Variants in UNC45B observed in about 807,000 individuals in gnomAD.
UNC45B encodes unc-45 myosin chaperone B.
Under a neutral mutation model 98.7 loss-of-function variants are expected in UNC45B, and 78 were observed. The ratio of observed to expected loss-of-function variants is 0.79; its 90% CI spans 0.66 to 0.95. The LOEUF (loss-of-function observed/expected upper bound fraction) is 0.95, where lower values mean the gene tolerates loss of function less well. UNC45B is among the 40% of genes least tolerant of loss of function. The probability of loss-of-function intolerance (pLI) is 0.00; values close to 1 mark genes in which losing one functional copy is unlikely to be tolerated. For synonymous variants in UNC45B, 462 were observed against 480.4 expected (o/e 0.96, Z 0.50); for missense variants, 1,225 against 1,184.9 (o/e 1.03, Z -0.50).
intron 9 of UNC45B, among the ~76,000 whole-genome samples, chr17:35,166,318 A>G (rs2092140971): frequency 1.3e-5 from 2 of 151,446 alleles, no homozygotes; most frequent in African/African-American, 2.4e-5. Context: ...GGATTTGCCA[A>G]CTCCTTCTCT....
In UNC45B at chr17:35,169,893, G is replaced by C. The variant is rs199940176; in HGVS notation, c.1509G>C (p.Ala503=). ...GGTDYGLRQF[A]EGSTEKLAKQ... is the part of the protein sequence containing the mutation. ...CAGACTACGGTCTCAGGCAGTTTGC[G>C]GAAGGGTCGACAGAAAAACTGGCCA... The change falls in exon 11 of 20, where the codon GCG becomes GCC. Residue 503 remains alanine (A), a synonymous_variant. Transcript: ENST00000394570. 1.2e-6 allele frequency: 2 copies of C among 1,614,042 alleles called. No homozygotes were observed. The highest frequency in any genetic ancestry group is 1.7e-6 in the Non-Finnish European group (2 of 1,180,046).
chr17:35,152,759 G>A (rs549776753), intron 4 of UNC45B, 134 bp from the exon 5 acceptor site: 40 of 745,034 alleles, frequency 5.4e-5, no homozygotes, highest in African/African-American at 2.7e-4. Context: ...AATGTTTGTC[G>A]AATGAATACA....
rs1449357079 is a variant in UNC45B, at chr17:35,161,449, C to CT, written c.979+1905dup. Reference sequence around the variant, plus strand: ...GTTTGAACAGAAGAGAAATGAGATGCTCAAGGCATGGGCAAGAATGGAAGG... The same window carrying CT: ...GTTTGAACAGAAGAGAAATGAGATGCTTCAAGGCATGGGCAAGAATGGAAGG... On this transcript the variant is annotated intron_variant, in intron 8 of 19. Transcript: ENST00000394570. Among the ~76,000 whole-genome samples, 3 of 152,038 alleles carry CT rather than the reference C, an allele frequency of 2.0e-5. No individual in the cohort carries two copies. In the East Asian group the frequency reaches 5.8e-4, roughly 29 times the overall value.
chr17:35,149,374 TTTG>T (rs960354688), intron 3 of UNC45B, among the ~76,000 whole-genome samples: 1 of 152,084 alleles, frequency 6.6e-6, no homozygotes, highest in Non-Finnish European at 1.5e-5. Context: ...CTGGCTGTCT[TTTG>T]TTGTTGTTGT....
rs2142618768 is a variant in UNC45B, at chr17:35,186,596, C to T, written c.*37C>T. ...CAGGGATGCTGGGAGTGGTCCTGTA[C>T]TGTGCAGAGTCCTGGGTTGGTTGGG... is the stretch of plus-strand genomic sequence containing the variant. On this transcript the variant is annotated 3_prime_UTR_variant, in exon 20 of 20. Transcript: ENST00000394570. The T allele has an allele frequency of 6.2e-7, 1 of 1,608,570 alleles. No individual in the cohort carries two copies. Among genetic ancestry groups the T allele is most frequent in the South Asian group, 1.1e-5 (1 of 89,736 alleles).
At chr17:35,186,143 TC>T (rs1300375071) in intron 19 of UNC45B, among the ~76,000 whole-genome samples, 155 bp from the exon 20 acceptor site, 1 of 152,154 alleles carries the variant, frequency 6.6e-6, no homozygotes, top group Non-Finnish European at 1.5e-5. Context: ...ATTAACACAT[TC>T]CTGTGACAGC....
chr17:35,182,464 C>A (rs2092280035), intron 18 of UNC45B, among the ~76,000 whole-genome samples: 1 of 152,236 alleles, frequency 6.6e-6, no homozygotes, highest in African/African-American at 2.4e-5. Context: ...CTCTGCCACA[C>A]TGGGAGTGGA....
chr17:35,169,826 C>T lies in UNC45B; in HGVS notation c.1453-11C>T. The T allele has an allele frequency of 1.2e-6, 2 of 1,613,620 alleles. No individual in the cohort carries two copies. The highest frequency in any genetic ancestry group is 1.7e-6 in the Non-Finnish European group (2 of 1,179,580). ...ATCCTGCATGTGTCTGCTGTCTCCT[C>T]TCCTCCTCAGGGACTCTGTAAGCTC... is the stretch of plus-strand genomic sequence containing the variant. On this transcript the variant is annotated splice_polypyrimidine_tract_variant and intron_variant, in intron 10 of 19. Coordinates refer to ENST00000394570, the MANE Select transcript of UNC45B (RefSeq NM_001267052.2).
chr17:35,150,984 C>T (rs1420369402), intron 4 of UNC45B, among the ~76,000 whole-genome samples: 1 of 152,094 alleles, frequency 6.6e-6, no homozygotes, highest in Admixed American at 6.5e-5. Context: ...ATGATCTCAG[C>T]TCCTCACTCC....
chr17:35,178,560 A>C (rs1052447063), intron 17 of UNC45B, among the ~76,000 whole-genome samples: 2 of 152,064 alleles, frequency 1.3e-5, no homozygotes, highest in African/African-American at 4.8e-5. Flanking sequence ...CCATTTGTCA[A>C]TTTTGGCTTT....
intron 18 of UNC45B, among the ~76,000 whole-genome samples, chr17:35,181,926 G>A (rs1470312768): frequency 2.6e-5 from 4 of 152,064 alleles, no homozygotes; most frequent in African/African-American, 9.7e-5. Flanking sequence ...GAGATGGGCG[G>A]GGAGGCTGAG....
chr17:35,165,764 C>A (rs2092134576), intron 9 of UNC45B, among the ~76,000 whole-genome samples: 1 of 151,948 alleles, frequency 6.6e-6, no homozygotes, highest in African/African-American at 2.4e-5. Flanking sequence ...ATGGTGAAAC[C>A]CCATCTCTAC....
chr17:35,174,458 T>C (rs574359509), intron 14 of UNC45B, 89 bp downstream of exon 14: 2 of 1,553,370 alleles, frequency 1.3e-6, no homozygotes, highest in South Asian at 2.3e-5. Context: ...ATAGAAATGG[T>C]GGGGGCCTAA....
chr17:35,173,311 A>T (rs946965337), intron 13 of UNC45B, among the ~76,000 whole-genome samples: 3 of 151,908 alleles, frequency 2.0e-5, no homozygotes, highest in African/African-American at 4.8e-5. Flanking sequence ...TTTTTAGTAG[A>T]GACGGGGTTT....
At chr17:35,163,410 C>A (rs778971578) in intron 8 of UNC45B, among the ~76,000 whole-genome samples, 2 of 152,050 alleles carry the variant, frequency 1.3e-5, no homozygotes, top group Non-Finnish European at 1.5e-5. Context: ...ATTTGCCCAA[C>A]GGTAATAGGA....
At chr17:35,166,085 C>CAAAAAAAAAAAAAAAAAAAAAAAAAA (rs1277152297) in intron 9 of UNC45B, among the ~76,000 whole-genome samples, 1 of 16,256 alleles carries the variant, frequency 6.2e-5, no homozygotes, top group Non-Finnish European at 1.0e-4. Flanking sequence ...ACCCTCATCT[C>CAAAAAAAAAAAAAAAAAAAAAAAAAA]TAAAAAAAAA....
chr17:35,172,320 G>A (rs944629612), intron 13 of UNC45B, among the ~76,000 whole-genome samples: 5 of 151,886 alleles, frequency 3.3e-5, no homozygotes, highest in African/African-American at 1.2e-4. Flanking sequence ...TGAGATCTCG[G>A]CTCAATGCAA....
chr17:35,171,276 A>G, intron 12 of UNC45B, 46 bp from the exon 13 acceptor site: 4 of 1,601,624 alleles, frequency 2.5e-6, no homozygotes, highest in Non-Finnish European at 3.4e-6. Flanking sequence ...GGTTTGTCCT[A>G]AAGTTTCCTT....
In UNC45B at chr17:35,177,011, T is replaced by C. The variant is rs750223216; in HGVS notation, c.2026-6T>C. Reference sequence around the variant, plus strand: ...GACTAAGTAGTGACCTTGCCCTTTCTTGCAGGCCCTGATTCCCCTGGCTTT... The same window carrying C: ...GACTAAGTAGTGACCTTGCCCTTTCCTGCAGGCCCTGATTCCCCTGGCTTT... On this transcript the variant is annotated splice_polypyrimidine_tract_variant and splice_region_variant and intron_variant, in intron 15 of 19. Transcript: ENST00000394570. 3.1e-6 allele frequency: 5 copies of C among 1,613,102 alleles called. No homozygotes were observed. The highest frequency in any genetic ancestry group is 3.4e-6 in the Non-Finnish European group (4 of 1,179,168).
Sources: allele counts gnomAD v4.1 joint callset (sites outside exome capture counted in the v4.1 genomes callset), GRCh38; gene constraint gnomAD v4.1.1; transcripts MANE v1.5; gene names NCBI Gene and HGNC (gene_info 2026-07-23, HGNC 2026-07-21).